KLHDC10: variants seen among roughly 807,000 people sequenced by gnomAD.
KLHDC10 encodes kelch domain-containing protein 10.
KLHDC10 carries 24 observed loss-of-function variants against 56.1 expected under a neutral mutation model. That is an observed-to-expected ratio of 0.43 (90% confidence interval 0.31 to 0.60). KLHDC10 has a LOEUF of 0.60. Ranked by LOEUF, KLHDC10 falls within the 20% of genes least tolerant of loss-of-function variation. The pLI is 0.11. For missense variants in KLHDC10, 349 were observed against 567.0 expected (o/e 0.62, Z 3.91); for synonymous variants, 188 against 207.1 (o/e 0.91, Z 0.79).
chr7:130,096,514 G>A (rs1795850126), intron 1 of KLHDC10, among the ~76,000 whole-genome samples: 1 of 152,146 alleles, frequency 6.6e-6, no homozygotes, highest in Non-Finnish European at 1.5e-5. Context: ...TAACCTTGAA[G>A]AGAACAGGAG....
intron 1 of KLHDC10, among the ~76,000 whole-genome samples, chr7:130,073,362 C>G (rs905389620): frequency 7.0e-6 from 1 of 143,884 alleles, no homozygotes; most frequent in Admixed American, 7.3e-5. Context: ...GTGGCACAGT[C>G]TTGGCTTACT....
At chr7:130,104,181 T>G (rs1043161351) in intron 2 of KLHDC10, among the ~76,000 whole-genome samples, 4 of 152,172 alleles carry the variant, frequency 2.6e-5, no homozygotes, top group African/African-American at 9.7e-5. Context: ...GTCTTTACAT[T>G]GAGAAAGCTG....
At chr7:130,077,013 G>A (rs1309533644) in intron 1 of KLHDC10, among the ~76,000 whole-genome samples, 1 of 152,024 alleles carries the variant, frequency 6.6e-6, no homozygotes, top group Non-Finnish European at 1.5e-5. Context: ...AATTGACATC[G>A]TTTTGAGGTT....
chr7:130,081,413 G>A (rs1470413760), intron 1 of KLHDC10, among the ~76,000 whole-genome samples: 3 of 151,974 alleles, frequency 2.0e-5, no homozygotes, highest in African/African-American at 2.4e-5. Context: ...CTGCCTCCCC[G>A]GTTCAAGCTA....
Position 130,130,654 on chromosome 7 carries a change from C to A in KLHDC10, c.1237C>A (p.Leu413Met). Residue 413 changes from leucine (L) to methionine (M), a missense_variant, in exon 10 of 10, where the codon CTG becomes ATG. By Grantham distance (15) the Leu-to-Met change is conservative. Transcript: ENST00000335420. The surrounding 1 kb of genome is among the most constrained non-coding windows in gnomAD (Gnocchi z 4.2). ...CCTGCTGGAACTGGCATGGGAGAAG[C>A]TGCTTGCGGCCTTCCCTAACCTTGC... ...PSLLELAWEK[L>M]LAAFPNLANL... 1.2e-6 allele frequency: 2 copies of A among 1,614,156 alleles called. No individual in the cohort carries two copies. The highest frequency in any genetic ancestry group is 1.7e-6 in the Non-Finnish European group (2 of 1,180,040).
chr7:130,082,320 C>G (rs1246824767), intron 1 of KLHDC10, among the ~76,000 whole-genome samples: 2 of 151,968 alleles, frequency 1.3e-5, no homozygotes, highest in African/African-American at 4.8e-5. Flanking sequence ...TGAGATGCTG[C>G]CTCAAAAAAA....
intron 2 of KLHDC10, 95 bp downstream of exon 2, chr7:130,097,102 A>G (rs1795860446): frequency 6.4e-6 from 5 of 782,196 alleles, no homozygotes; most frequent in South Asian, 4.3e-5. Context: ...TTTAAAAATC[A>G]TCTAAACAGC....
intron 2 of KLHDC10, among the ~76,000 whole-genome samples, chr7:130,112,246 G>T (rs1000180528): frequency 6.6e-6 from 1 of 152,128 alleles, no homozygotes; most frequent in African/African-American, 2.4e-5. Flanking sequence ...CTGCCTTTGG[G>T]CTAGAAACTG....
intron 1 of KLHDC10, among the ~76,000 whole-genome samples, chr7:130,073,718 C>A (rs1795456503): frequency 6.6e-6 from 1 of 152,198 alleles, no homozygotes; most frequent in Non-Finnish European, 1.5e-5. Context: ...AACAAAACAA[C>A]CTGGTCTTCC....
intron 7 of KLHDC10, 131 bp downstream of exon 7, chr7:130,126,062 C>T (rs991839279): frequency 1.5e-6 from 1 of 683,402 alleles, no homozygotes; most frequent in Non-Finnish European, 2.4e-6. Context: ...CGCATTGTCT[C>T]ACGCCTATAA....
In KLHDC10 at chr7:130,077,945, G is replaced by A. The variant is rs571422642; in HGVS notation, c.166+7136G>A. On this transcript the variant is annotated intron_variant, in intron 1 of 9. Transcript: ENST00000335420. ...GAGTATTAATTTTATACCTAGCCAC[G>A]TTAAGAATTCTAATATTATCTATAA... Among the ~76,000 whole-genome samples the A allele has an allele frequency of 2.5e-3, 377 of 152,150 alleles. 1 individual carries two copies. Among genetic ancestry groups the A allele is most frequent in the African/African-American group, 8.4e-3 (350 of 41,516 alleles).
chr7:130,129,302 A>G (rs1796364164), intron 8 of KLHDC10, 135 bp from the exon 9 acceptor site: 5 of 888,520 alleles, frequency 5.6e-6, no homozygotes, highest in Admixed American at 2.5e-5. Flanking sequence ...GAGGCTGCAC[A>G]GCAGAAGTCG....
chr7:130,119,511 T>C (rs112128906), intron 3 of KLHDC10, among the ~76,000 whole-genome samples: 24,209 of 140,438 alleles, frequency 0.17, 2,609 homozygotes, highest in East Asian at 0.3. Context: ...GACCCTGCCT[T>C]TCAAACAAAC....
chr7:130,104,282 C>G (rs1027480948), intron 2 of KLHDC10, among the ~76,000 whole-genome samples: 4 of 152,050 alleles, frequency 2.6e-5, no homozygotes, highest in Admixed American at 2.6e-4. Context: ...TTGTGCAGTT[C>G]AAATTCATTT....
chr7:130,083,487 A>C (rs1162704263), intron 1 of KLHDC10, among the ~76,000 whole-genome samples: 1 of 152,158 alleles, frequency 6.6e-6, no homozygotes, highest in East Asian at 1.9e-4. Context: ...TTTTTTAAAA[A>C]CTTGGAATTT....
At chr7:130,107,844 A>AG (rs1491553264) in intron 2 of KLHDC10, among the ~76,000 whole-genome samples, 1 of 15,558 alleles carries the variant, frequency 6.4e-5, no homozygotes, top group Non-Finnish European at 1.9e-4. Flanking sequence ...ACTCCGTCTC[A>AG]AAAAAAAAAA....
rs1796402030 is a variant in KLHDC10, at chr7:130,131,609, T to C, written c.*863T>C. 2 of 152,220 alleles carry C rather than the reference T, an allele frequency of 1.3e-5. No homozygotes were observed. Among genetic ancestry groups the C allele is most frequent in the South Asian group, 4.1e-4 (2 of 4,832 alleles). 9.4% of individuals were successfully genotyped at this position (152,220 alleles called of 1,614,324 possible). A position where few individuals can be genotyped will look rare whatever the true frequency, so the allele number is the denominator to read the frequency against. The stretch of plus-strand genomic sequence containing the variant: ...TTTAAATATCTCTTTGACTTCTTCA[T>C]GGGGAATTGTAGACCCTAAGTATGT... On this transcript the variant is annotated 3_prime_UTR_variant, in exon 10 of 10. Coordinates refer to ENST00000335420, the MANE Select transcript of KLHDC10 (RefSeq NM_014997.4).
intron 1 of KLHDC10, among the ~76,000 whole-genome samples, chr7:130,095,414 G>C (rs1190009583): frequency 6.6e-6 from 1 of 152,060 alleles, no homozygotes; most frequent in Non-Finnish European, 1.5e-5. Context: ...GAACATTTTA[G>C]CTTTTTGAAA....
At chr7:130,091,327 C>T (rs567606777) in intron 1 of KLHDC10, among the ~76,000 whole-genome samples, 3 of 152,322 alleles carry the variant, frequency 2.0e-5, no homozygotes, top group Admixed American at 2.0e-4. Flanking sequence ...CATCCAGTTC[C>T]TCTGCATCCT....
Sources: allele counts gnomAD v4.1 joint callset (sites outside exome capture counted in the v4.1 genomes callset), GRCh38; gene constraint gnomAD v4.1.1; non-coding constraint Gnocchi (gnomAD v3.1); transcripts MANE v1.5; gene names NCBI Gene and HGNC (gene_info 2026-07-23, HGNC 2026-07-21).